The following NUP43 variants were observed in gnomAD, a reference collection of about 807,000 sequenced individuals.
The protein encoded by NUP43 is nucleoporin 43, also known as nucleoporin Nup43.
Under a neutral mutation model 47.3 loss-of-function variants are expected in NUP43, and 32 were observed. The observed-to-expected ratio is 0.68, with a 90% CI of 0.51 to 0.91. NUP43 has a LOEUF of 0.91. Ranked by LOEUF, NUP43 falls within the 40% of genes least tolerant of loss-of-function variation. The pLI, the probability that NUP43 is intolerant of heterozygous loss-of-function variation, is 0.00. For synonymous variants in NUP43, 147 were observed against 158.4 expected, an observed-to-expected ratio of 0.93 and a Z score of 0.54; for missense variants, 444 against 453.9, an observed-to-expected ratio of 0.98 and a Z score of 0.20.
intron 6 of NUP43, among the ~76,000 whole-genome samples, chr6:149,733,986 G>C (rs773334655): frequency 1.3e-5 from 2 of 151,710 alleles, no homozygotes; most frequent in Admixed American, 6.6e-5. Flanking sequence ...CACCACGCCC[G>C]GCTAATTTTG....
At position 149,727,203 on chromosome 6, in the gene NUP43, G is replaced by A. The variant is rs1476929562; in HGVS notation, c.914-5C>T. 3 of 1,605,354 alleles carry A rather than the reference G, an allele frequency of 1.9e-6. No homozygotes were observed. Among genetic ancestry groups the A allele is most frequent in the African/African-American group, 2.7e-5 (2 of 74,324 alleles). On this transcript the variant is annotated splice_region_variant and splice_polypyrimidine_tract_variant and intron_variant, in intron 7 of 7. Transcript: ENST00000340413. ...AAAAAGTACTGCTTCTTCCTCCTGGGAGAAAAAAAGAAAAGGAAGAAATCT... is the reference window on the plus strand; with the variant it reads ...AAAAAGTACTGCTTCTTCCTCCTGGAAGAAAAAAAGAAAAGGAAGAAATCT...
At chr6:149,745,679 AT>A (rs1252447118) in intron 2 of NUP43, among the ~76,000 whole-genome samples, 1 of 152,218 alleles carries the variant, frequency 6.6e-6, no homozygotes, top group Non-Finnish European at 1.5e-5. Context: ...ACAATAATTA[AT>A]TTTTGTAAAG....
chr6:149,744,253 C>A (rs945724975), intron 2 of NUP43, among the ~76,000 whole-genome samples: 1 of 151,946 alleles, frequency 6.6e-6, no homozygotes, highest in South Asian at 2.1e-4. Flanking sequence ...AAGCCAGGCA[C>A]GGTGGCTGAC....
chr6:149,737,891 G>A (rs921821657), intron 5 of NUP43, among the ~76,000 whole-genome samples: 100 of 152,128 alleles, frequency 6.6e-4, no homozygotes, highest in African/African-American at 2.1e-3. Context: ...GGGTTTCACT[G>A]TGTTGGCCAG....
chr6:149,743,622 A>T lies in NUP43; in HGVS notation c.321+16T>A, dbSNP rs1562384336. On this transcript the variant is annotated intron_variant, in intron 3 of 7. Coordinates refer to ENST00000340413, the MANE Select transcript of NUP43 (RefSeq NM_198887.3). ...CAAAAAAAAAAAAAATCACTTCTCA[A>T]ACTAAAGTTCTTTACCTGGTTATTT... 1.3e-6 allele frequency: 2 copies of T among 1,542,002 alleles called. No individual in the cohort carries two copies. Among genetic ancestry groups the T allele is most frequent in the Non-Finnish European group, 1.8e-6 (2 of 1,123,712 alleles).
intron 7 of NUP43, among the ~76,000 whole-genome samples, chr6:149,728,794 T>C (rs979922311): frequency 2.0e-5 from 3 of 152,156 alleles, no homozygotes; most frequent in African/African-American, 7.2e-5. Context: ...GCATTTGCTG[T>C]TTCCTCTGCC....
rs1011970315 is a variant in NUP43 at position 149,738,803 on chromosome 6, T to C, written c.503-25A>G. 9.3e-6 allele frequency: 13 copies of C among 1,401,998 alleles called. No homozygotes were observed. The African/African-American group carries it at 1.3e-4, about 14-fold the overall frequency. The allele number at this position is 1,401,998 out of a possible 1,614,324, so 86.8% of individuals were successfully genotyped here. On this transcript the variant is annotated intron_variant, in intron 4 of 7. Transcript: ENST00000340413. ...TCTAAAAATTTAAAAAATGGTAGTATGTGTTAATGAGTCCCCTTTTTTTCC... is the reference window on the plus strand; with the variant it reads ...TCTAAAAATTTAAAAAATGGTAGTACGTGTTAATGAGTCCCCTTTTTTTCC...
intron 4 of NUP43, 44 bp from the exon 5 acceptor site, chr6:149,738,822 T>C (rs753484126): frequency 3.4e-5 from 44 of 1,279,626 alleles, no homozygotes; most frequent in Non-Finnish European, 4.4e-5. Context: ...GAGTCCCCTT[T>C]TTTTCCCAAG....
At chr6:149,731,496 G>C (rs763478681) in intron 7 of NUP43, 117 bp downstream of exon 7, 235 of 832,554 alleles carry the variant, frequency 2.8e-4, no homozygotes, top group South Asian at 2.0e-3. Flanking sequence ...CCAGGAGGCG[G>C]AGGTTGCAGT....
chr6:149,739,022 C>A (rs1785507996), intron 4 of NUP43, among the ~76,000 whole-genome samples: 1 of 151,046 alleles, frequency 6.6e-6, no homozygotes, highest in Non-Finnish European at 1.5e-5. Flanking sequence ...TGCTCGTTGC[C>A]CAGGCTGGAC....
upstream of NUP43, chr6:149,746,737 G>A: frequency 1.4e-6 from 2 of 1,395,272 alleles, no homozygotes; most frequent in Non-Finnish European, 1.9e-6. Flanking sequence ...AGTAGGACTT[G>A]CTCCTAATCT....
At chr6:149,735,453 T>C (rs1785273629) in intron 6 of NUP43, among the ~76,000 whole-genome samples, 1 of 151,400 alleles carries the variant, frequency 6.6e-6, no homozygotes. Flanking sequence ...CCTAAGAAAA[T>C]AAGTACATAA....
In NUP43 at chr6:149,726,388, C is replaced by G. The variant is rs1784788867; in HGVS notation, c.*581G>C. On this transcript the variant is annotated 3_prime_UTR_variant, in exon 8 of 8. Transcript: ENST00000340413. Reference sequence around the variant, plus strand: ...ACCACCGCACTCCAGCAGAGCAAGACTCTGCCTCAAAAAAAAAAAAAAAAA... The same window carrying G: ...ACCACCGCACTCCAGCAGAGCAAGAGTCTGCCTCAAAAAAAAAAAAAAAAA... 4 of 128,174 alleles carry G rather than the reference C, an allele frequency of 3.1e-5. No homozygotes were observed. The highest frequency in any genetic ancestry group is 1.2e-4 in the African/African-American group (4 of 33,082). 7.9% of individuals were successfully genotyped at this position (128,174 alleles called of 1,614,324 possible). A position where few individuals can be genotyped will look rare whatever the true frequency, so the allele number is the denominator to read the frequency against.
chr6:149,742,113 G>C (rs1053065847), intron 4 of NUP43, among the ~76,000 whole-genome samples: 6 of 149,478 alleles, frequency 4.0e-5, no homozygotes, highest in African/African-American at 1.5e-4. Flanking sequence ...TGCAACCTCC[G>C]CCTCCCAGGT....
chr6:149,736,643 G>T, intron 5 of NUP43, 21 bp from the exon 6 acceptor site: 1 of 1,560,886 alleles, frequency 6.4e-7, no homozygotes. Flanking sequence ...AGATAACAAT[G>T]ACGTCAAAAT....
intron 6 of NUP43, 139 bp from the exon 7 acceptor site, chr6:149,731,874 G>A: frequency 1.2e-6 from 1 of 814,784 alleles, no homozygotes; most frequent in Non-Finnish European, 1.9e-6. Context: ...AAAATTAAAG[G>A]CTTCAGAATT....
chr6:149,732,270 G>T (rs938494314), intron 6 of NUP43, among the ~76,000 whole-genome samples: 2 of 152,022 alleles, frequency 1.3e-5, no homozygotes, highest in Non-Finnish European at 2.9e-5. Flanking sequence ...TAGTAGCCAG[G>T]CACAGTGGCT....
At chr6:149,739,668 G>A (rs1186036738) in intron 4 of NUP43, among the ~76,000 whole-genome samples, 1 of 152,094 alleles carries the variant, frequency 6.6e-6, no homozygotes, top group Non-Finnish European at 1.5e-5. Context: ...ATTTCTGAGA[G>A]AGTTGTTCAA....
chr6:149,741,436 G>C (rs1226190346), intron 4 of NUP43, among the ~76,000 whole-genome samples: 1 of 152,112 alleles, frequency 6.6e-6, no homozygotes, highest in Non-Finnish European at 1.5e-5. Context: ...TGCCTCCTAA[G>C]GTGCTGGGAT....
Sources: allele counts gnomAD v4.1 joint callset (sites outside exome capture counted in the v4.1 genomes callset), GRCh38; gene constraint gnomAD v4.1.1; transcripts MANE v1.5; gene names NCBI Gene and HGNC (gene_info 2026-07-23, HGNC 2026-07-21).